Variants in SEPTIN11 observed in about 807,000 individuals in gnomAD.
SEPTIN11 encodes the protein septin 11.
Under a neutral mutation model 51.4 loss-of-function variants are expected in SEPTIN11, and 25 were observed. The ratio of observed to expected loss-of-function variants is 0.49; its 90% CI spans 0.35 to 0.68. The LOEUF (loss-of-function observed/expected upper bound fraction) is 0.68, where lower values mean the gene tolerates loss of function less well. SEPTIN11 is among the 30% of genes least tolerant of loss of function. The probability of loss-of-function intolerance (pLI) is 0.00; values close to 1 mark genes in which losing one functional copy is unlikely to be tolerated. For missense variants in SEPTIN11, 381 were observed against 520.8 expected (o/e 0.73, Z 2.61); for synonymous variants, 174 against 184.1 (o/e 0.95, Z 0.44).
chr4:76,974,614 T>G (rs1722402950), intron 1 of SEPTIN11: 1 of 394,554 alleles, frequency 2.5e-6, no homozygotes, highest in Non-Finnish European at 5.0e-6. Flanking sequence ...ATAGGTCATT[T>G]GTAGACAGAT....
Position 77,036,913 on chromosome 4 carries a change from T to A in SEPTIN11, c.*2401T>A, listed in dbSNP as rs372141278. On this transcript the variant is annotated 3_prime_UTR_variant, in exon 10 of 10. Coordinates refer to ENST00000264893, the MANE Select transcript of SEPTIN11 (RefSeq NM_018243.4). ...AGAGAAAGCAAATGGGATGGATAGA[T>A]TTTTTTTTTCTTTTCAAGGGGGGCA... 7.9e-7 allele frequency: 1 copy of A among 1,269,758 alleles called. No homozygotes were observed. Among genetic ancestry groups the A allele is most frequent in the South Asian group, 2.4e-5 (1 of 41,250 alleles). 78.7% of individuals were successfully genotyped at this position (1,269,758 alleles called of 1,614,324 possible). A position where few individuals can be genotyped will look rare whatever the true frequency, so the allele number is the denominator to read the frequency against.
chr4:76,964,462 C>T (rs537499644), intron 1 of SEPTIN11, among the ~76,000 whole-genome samples: 1 of 152,106 alleles, frequency 6.6e-6, no homozygotes, highest in Non-Finnish European at 1.5e-5. Flanking sequence ...TGTCTGATCT[C>T]ATTTTTGTTT....
chr4:76,971,439 G>GTTTTTT (rs879758237), intron 1 of SEPTIN11, among the ~76,000 whole-genome samples: 1 of 144,500 alleles, frequency 6.9e-6, no homozygotes, highest in East Asian at 2.0e-4. Flanking sequence ...TTATGGAGAG[G>GTTTTTT]TTTTTTTTTT....
intron 6 of SEPTIN11, among the ~76,000 whole-genome samples, chr4:77,020,038 G>T (rs773380474): frequency 1.1e-4 from 17 of 152,306 alleles, no homozygotes; most frequent in Non-Finnish European, 2.1e-4. Context: ...TAAATGAAGT[G>T]GTATGTAAAA....
At chr4:76,952,818 C>T (rs1721401801) in intron 1 of SEPTIN11, among the ~76,000 whole-genome samples, 1 of 152,202 alleles carries the variant, frequency 6.6e-6, no homozygotes, top group Non-Finnish European at 1.5e-5. Flanking sequence ...ATTTTACTCC[C>T]AAGGGATGTG....
rs1726957765 is a variant in SEPTIN11 at position 77,035,385 on chromosome 4, G to C, written c.*873G>C. On this transcript the variant is annotated 3_prime_UTR_variant, in exon 10 of 10. Coordinates refer to ENST00000264893, the MANE Select transcript of SEPTIN11 (RefSeq NM_018243.4). ...CCTCAGTTTGTTCCCAGTGGGCTTA[G>C]AGGGAGGACCTGATGACTGATTCCA... 1.0e-6 allele frequency: 1 copy of C among 985,356 alleles called. No homozygotes were observed. The highest frequency in any genetic ancestry group is 1.2e-6 in the Non-Finnish European group (1 of 829,948). 61.0% of individuals were successfully genotyped at this position (985,356 alleles called of 1,614,324 possible).
chr4:76,963,450 T>C (rs1298015163), intron 1 of SEPTIN11, among the ~76,000 whole-genome samples: 2 of 152,196 alleles, frequency 1.3e-5, no homozygotes, highest in Admixed American at 6.5e-5. Flanking sequence ...AGGTAAACAG[T>C]GATGATCTTA....
chr4:77,035,835 C>T lies in SEPTIN11; in HGVS notation c.*1323C>T. Reference sequence around the variant, plus strand: ...ATTTAATCTCTTTTCTATACTGCTCCTTTCTGATGCTTATCCTTTCATCTG... The same window carrying T: ...ATTTAATCTCTTTTCTATACTGCTCTTTTCTGATGCTTATCCTTTCATCTG... On this transcript the variant is annotated 3_prime_UTR_variant, in exon 10 of 10. Coordinates refer to ENST00000264893, the MANE Select transcript of SEPTIN11 (RefSeq NM_018243.4). 1 of 985,850 alleles carries T rather than the reference C, an allele frequency of 1.0e-6. No homozygotes were observed. The highest frequency in any genetic ancestry group is 1.2e-6 in the Non-Finnish European group (1 of 829,966). 61.1% of individuals were successfully genotyped at this position (985,850 alleles called of 1,614,324 possible). A position where few individuals can be genotyped will look rare whatever the true frequency, so the allele number is the denominator to read the frequency against.
intron 1 of SEPTIN11, among the ~76,000 whole-genome samples, chr4:76,973,394 T>C (rs1043715802): frequency 6.6e-6 from 1 of 152,084 alleles, no homozygotes; most frequent in Non-Finnish European, 1.5e-5. Flanking sequence ...TGGCTTGCAG[T>C]GCGTGTGTGC....
chr4:77,030,321 C>T (rs1309608080), intron 8 of SEPTIN11, among the ~76,000 whole-genome samples: 1 of 152,196 alleles, frequency 6.6e-6, no homozygotes, highest in Non-Finnish European at 1.5e-5. Flanking sequence ...CATCCCAGCT[C>T]AGCTCCTCCA....
chr4:76,966,364 G>A (rs1164027442), intron 1 of SEPTIN11, among the ~76,000 whole-genome samples: 2 of 152,094 alleles, frequency 1.3e-5, no homozygotes, highest in Non-Finnish European at 2.9e-5. Flanking sequence ...TTTTATGCAG[G>A]ATAGAGACAG....
intron 1 of SEPTIN11, among the ~76,000 whole-genome samples, chr4:76,987,581 A>G (rs1198241611): frequency 6.6e-6 from 1 of 152,178 alleles, no homozygotes; most frequent in African/African-American, 2.4e-5. Context: ...CCATCTTCCC[A>G]TTAACCTTCT....
At chr4:76,996,002 C>A (rs1044907205) in intron 1 of SEPTIN11, 36 of 1,422,848 alleles carry the variant, frequency 2.5e-5, no homozygotes, top group Non-Finnish European at 3.2e-5. Flanking sequence ...TTTCAAAGTT[C>A]TTTTATGTAT....
At chr4:77,000,153 A>T (rs750870405) in intron 2 of SEPTIN11, among the ~76,000 whole-genome samples, 1 of 152,238 alleles carries the variant, frequency 6.6e-6, no homozygotes, top group Non-Finnish European at 1.5e-5. Context: ...GTTTGATAGT[A>T]GAGTCAAAGT....
At chr4:76,954,373 G>A (rs1240173716) in intron 1 of SEPTIN11, among the ~76,000 whole-genome samples, 1 of 152,144 alleles carries the variant, frequency 6.6e-6, no homozygotes, top group African/African-American at 2.4e-5. Context: ...GGTTAGCAAA[G>A]CTGAACCATT....
At position 76,984,596 on chromosome 4, in the gene SEPTIN11, G is replaced by GA. The variant is rs1560709230; in HGVS notation, c.28-11828dup. Among the ~76,000 whole-genome samples, 1 of 152,196 alleles carries GA rather than the reference G, an allele frequency of 6.6e-6. No homozygotes were observed. Among genetic ancestry groups the GA allele is most frequent in the African/African-American group, 2.4e-5 (1 of 41,438 alleles). ...TACTGAGGAATAGATGTGTGAATAT[G>GA]AGTAGCACAGGACATAAAAAGTTGA... On this transcript the variant is annotated intron_variant, in intron 1 of 9. Transcript: ENST00000264893. The surrounding 1 kb of genome is among the most constrained non-coding windows in gnomAD (Gnocchi z 4.1).
Position 77,024,416 on chromosome 4 carries a change from A to AC in SEPTIN11, c.953+3749dup, listed in dbSNP as rs1725957175. Among the ~76,000 whole-genome samples the AC allele has an allele frequency of 6.6e-6, 1 of 150,836 alleles. No individual in the cohort carries two copies. Among genetic ancestry groups the AC allele is most frequent in the African/African-American group, 2.5e-5 (1 of 40,552 alleles). On this transcript the variant is annotated intron_variant, in intron 7 of 9. Transcript: ENST00000264893. The surrounding 1 kb of genome is among the most constrained non-coding windows in gnomAD (Gnocchi z 4.2). ...ACCCAGAGCACCCATGCTTCCCTGG[A>AC]CCCAGGCGTCTCCTTCCTCCAGACC...
At chr4:77,005,533 C>T (rs1724417723) in intron 2 of SEPTIN11, 68 bp from the exon 3 acceptor site, 2 of 1,351,652 alleles carry the variant, frequency 1.5e-6, no homozygotes, top group Non-Finnish European at 2.0e-6. Context: ...ATAAAAAATA[C>T]TGATGAATTG....
chr4:77,011,863 C>G lies in SEPTIN11; in HGVS notation c.467C>G (p.Pro156Arg). ...CATGCCTGCCTCTACTTTATTGCCC[C>G]TACTGGACATTCACTAAAGTCCCTG... ...RIHACLYFIA[P>R]TGHSLKSLDL... is the part of the protein sequence containing the mutation. The change falls in exon 4 of 10, where the codon CCT (proline) becomes CGT (arginine). Residue 156 changes from proline (P) to arginine (R), a missense_variant. Pro to Arg is a moderately radical substitution (Grantham distance 103). Coordinates refer to ENST00000264893, the MANE Select transcript of SEPTIN11 (RefSeq NM_018243.4). 6.2e-7 allele frequency: 1 copy of G among 1,614,084 alleles called. No homozygotes were observed. Among genetic ancestry groups the G allele is most frequent in the Non-Finnish European group, 8.5e-7 (1 of 1,179,972 alleles).
Sources: gnomAD v4.1 joint callset for allele counts (sites outside exome capture counted in the v4.1 genomes callset) on GRCh38, gnomAD v4.1.1 for gene constraint, Gnocchi (gnomAD v3.1) non-coding constraint, MANE v1.5 for transcripts, NCBI Gene and HGNC (gene_info 2026-07-23, HGNC 2026-07-21) for gene names.